Variants in GSDME observed in about 807,000 individuals in gnomAD.
GSDME encodes gasdermin E.
In GSDME, 44 loss-of-function variants were observed where a neutral mutation model predicts 47.5. The ratio of observed to expected loss-of-function variants is 0.93; its 90% CI spans 0.73 to 1.19. The LOEUF (loss-of-function observed/expected upper bound fraction) is 1.19, where lower values mean the gene tolerates loss of function less well. Among genes scored for constraint, GSDME ranks in the 50% most tolerant of loss-of-function variants. The pLI, the probability that GSDME is intolerant of heterozygous loss-of-function variation, is 0.00. For missense variants in GSDME, 663 were observed against 604.2 expected, an observed-to-expected ratio of 1.10 and a Z score of -1.02; for synonymous variants, 258 against 252.8, an observed-to-expected ratio of 1.02 and a Z score of -0.20.
chr7:24,717,616 G>A (rs1789619390), intron 4 of GSDME, among the ~76,000 whole-genome samples: 1 of 152,240 alleles, frequency 6.6e-6, no homozygotes, highest in East Asian at 1.9e-4. Flanking sequence ...ATAGAGCGTG[G>A]GATACAGTGA....
In GSDME at chr7:24,726,509, C is replaced by T. The variant is rs1789969759; in HGVS notation, c.405-7291G>A. Among the ~76,000 whole-genome samples, 1 of 152,180 alleles carries T rather than the reference C, an allele frequency of 6.6e-6. No homozygotes were observed. The highest frequency in any genetic ancestry group is 1.5e-5 in the Non-Finnish European group (1 of 68,024). On this transcript the variant is annotated intron_variant, in intron 3 of 9. Coordinates refer to ENST00000645220, the MANE Select transcript of GSDME (RefSeq NM_001127453.2). The surrounding 1 kb of genome is among the most constrained non-coding windows in gnomAD (Gnocchi z 5.6). ...AGGCAGCCACCACTAGCAGGGTCCT[C>T]TTACACAAAAACCCTTGATAGTAAC...
At chr7:24,752,992 G>GT (rs199851230) in intron 1 of GSDME, among the ~76,000 whole-genome samples, 19,653 of 147,674 alleles carry the variant, frequency 0.13, 1,334 homozygotes, top group Middle Eastern at 0.21. Context: ...AATTTTTCAT[G>GT]TTTTTTTTTT....
intron 6 of GSDME, among the ~76,000 whole-genome samples, chr7:24,709,974 C>T (rs1285462812): frequency 2.0e-5 from 3 of 152,312 alleles, no homozygotes; most frequent in South Asian, 2.1e-4. Context: ...CTTCAGTCTC[C>T]GACCCCTACC....
At chr7:24,729,612 T>C (rs886234) in intron 3 of GSDME, among the ~76,000 whole-genome samples, 67,457 of 151,858 alleles carry the variant, frequency 0.44, 17,001 homozygotes, top group East Asian at 0.82. Context: ...TCTGTGTGTG[T>C]CCTTCATGCC....
chr7:24,770,844 T>A, the GSDME span, among the ~76,000 whole-genome samples: 37 of 114,782 alleles, frequency 3.2e-4, no homozygotes, highest in Admixed American at 5.0e-4. The surrounding 1 kb of genome is among the most constrained non-coding windows in gnomAD (Gnocchi z 4.6). Flanking sequence ...AATAGAAACT[T>A]CAAAACCAAA....
intron 9 of GSDME, among the ~76,000 whole-genome samples, chr7:24,699,801 T>A (rs1199650853): frequency 3.9e-5 from 6 of 152,238 alleles, no homozygotes; most frequent in Admixed American, 3.9e-4. Flanking sequence ...ACTAGTCCCA[T>A]TAACTCCAGT....
the GSDME span, among the ~76,000 whole-genome samples, chr7:24,793,775 C>A: frequency 6.6e-6 from 1 of 151,672 alleles, no homozygotes; most frequent in East Asian, 1.9e-4. Flanking sequence ...TAAATTCTAC[C>A]CCCCTTTTCT....
At chr7:24,771,425 T>C in the GSDME span, among the ~76,000 whole-genome samples, 2 of 152,348 alleles carry the variant, frequency 1.3e-5, no homozygotes, top group East Asian at 1.9e-4. This position sits in a 1 kb window ranked among gnomAD's most constrained non-coding sequence, Gnocchi z 4.1. Context: ...GTTAAGTGAA[T>C]GAGTGAAGAT....
chr7:24,769,579 GC>G, the GSDME span, among the ~76,000 whole-genome samples: 1 of 152,082 alleles, frequency 6.6e-6, no homozygotes, highest in Non-Finnish European at 1.5e-5. Flanking sequence ...AAGTTTCACA[GC>G]CCAGGACATA....
At chr7:24,737,119 A>C (rs1790331234) in intron 3 of GSDME, among the ~76,000 whole-genome samples, 1 of 152,102 alleles carries the variant, frequency 6.6e-6, no homozygotes, top group Non-Finnish European at 1.5e-5. Context: ...GATCAAACCA[A>C]ATCCAAAGCT....
intron 3 of GSDME, among the ~76,000 whole-genome samples, chr7:24,741,383 T>TA (rs879483364): frequency 4.5e-4 from 66 of 145,884 alleles, no homozygotes; most frequent in African/African-American, 1.1e-3. Context: ...ATTCTCCATT[T>TA]AAAAAAAAAA....
At chr7:24,782,560 A>T in the GSDME span, among the ~76,000 whole-genome samples, 1 of 152,210 alleles carries the variant, frequency 6.6e-6, no homozygotes, top group Non-Finnish European at 1.5e-5. Flanking sequence ...AGCATGATTT[A>T]GAATCCTTTG....
intron 3 of GSDME, among the ~76,000 whole-genome samples, chr7:24,743,508 G>T (rs545812083): frequency 6.6e-6 from 1 of 152,300 alleles, no homozygotes; most frequent in East Asian, 1.9e-4. Context: ...TAACTCAGCA[G>T]CCAGAATGAT....
intron 3 of GSDME, among the ~76,000 whole-genome samples, chr7:24,741,936 G>A (rs1017007445): frequency 1.3e-5 from 2 of 152,092 alleles, no homozygotes; most frequent in African/African-American, 4.8e-5. Flanking sequence ...CGCCTAACAA[G>A]GGTGAGGTGA....
the GSDME span, among the ~76,000 whole-genome samples, chr7:24,777,381 T>G: frequency 6.6e-6 from 1 of 151,812 alleles, no homozygotes; most frequent in Admixed American, 6.6e-5. Flanking sequence ...CAAGAAGAGG[T>G]GTAGGAAATG....
At chr7:24,762,854 T>C (rs753785660), upstream of GSDME, among the ~76,000 whole-genome samples, 1 of 16,674 alleles carries the variant, frequency 6.0e-5, no homozygotes, top group Non-Finnish European at 1.2e-4. Flanking sequence ...GTGGGGTGGG[T>C]GGGGAGGAAG....
the GSDME span, among the ~76,000 whole-genome samples, chr7:24,779,241 A>G: frequency 7.9e-5 from 12 of 152,240 alleles, no homozygotes; most frequent in African/African-American, 2.2e-4. The surrounding 1 kb of genome is among the most constrained non-coding windows in gnomAD (Gnocchi z 6.0). Flanking sequence ...AGTAGAAGCC[A>G]TGAGGTAGAG....
At chr7:24,710,572 A>G (rs1789313779) in intron 5 of GSDME, 184 bp from the exon 6 acceptor site, 1 of 608,300 alleles carries the variant, frequency 1.6e-6, no homozygotes, top group Admixed American at 2.8e-5. Flanking sequence ...CCAAAAGCCC[A>G]GCCACTTCCA....
At position 24,735,680 on chromosome 7, in the gene GSDME, C is replaced by T. The variant is rs983237858; in HGVS notation, c.404+8882G>A. Among the ~76,000 whole-genome samples the T allele has an allele frequency of 6.6e-6, 1 of 151,936 alleles. No homozygotes were observed. The highest frequency in any genetic ancestry group is 2.4e-5 in the African/African-American group (1 of 41,352). ...GGCTGAGGCAGGAGAATCACTGGAA[C>T]CTGGGAGGTAGAGGTTGCGATGAGC... On this transcript the variant is annotated intron_variant, in intron 3 of 9. Transcript: ENST00000645220. This position sits in a 1 kb window ranked among gnomAD's most constrained non-coding sequence, Gnocchi z 4.4.
Sources: gnomAD v4.1 joint callset for allele counts (sites outside exome capture counted in the v4.1 genomes callset) on GRCh38, gnomAD v4.1.1 for gene constraint, Gnocchi (gnomAD v3.1) non-coding constraint, MANE v1.5 for transcripts, NCBI Gene and HGNC (gene_info 2026-07-23, HGNC 2026-07-21) for gene names.